PPM1L: variants seen among roughly 807,000 people sequenced by gnomAD.
The protein encoded by PPM1L is protein phosphatase, Mg2+/Mn2+ dependent 1L, also known as protein phosphatase 1L.
In PPM1L, 13 loss-of-function variants were observed where a neutral mutation model predicts 31.4. The observed-to-expected ratio is 0.41, with a 90% CI of 0.27 to 0.66. PPM1L has a LOEUF of 0.66. PPM1L is among the 30% of genes least tolerant of loss of function. The pLI is 0.29. For synonymous variants in PPM1L, 184 were observed against 175.4 expected (o/e 1.05, Z -0.39); for missense variants, 326 against 453.7 (o/e 0.72, Z 2.56).
intron 1 of PPM1L, among the ~76,000 whole-genome samples, chr3:160,860,968 T>C (rs1330779766): frequency 1.3e-5 from 2 of 152,172 alleles, no homozygotes; most frequent in Non-Finnish European, 2.9e-5. Context: ...CTTCAATATA[T>C]GAATTTTGGG....
chr3:160,937,301 T>C lies in PPM1L; in HGVS notation c.400-24435T>C, dbSNP rs1382984696. 2.0e-5 allele frequency among the ~76,000 whole-genome samples: 3 copies of C among 152,194 alleles called. No homozygotes were observed. In the East Asian group the frequency reaches 5.8e-4, roughly 29 times the overall value. ...TATAACTTTTCTCATTTATCATCCA[T>C]TTTATTTAATGATGAAAGAATACAA... On this transcript the variant is annotated intron_variant, in intron 1 of 3. Coordinates refer to ENST00000498165, the MANE Select transcript of PPM1L (RefSeq NM_139245.4).
intron 1 of PPM1L, among the ~76,000 whole-genome samples, chr3:160,854,169 A>G (rs1711606867): frequency 6.6e-6 from 1 of 152,152 alleles, no homozygotes; most frequent in African/African-American, 2.4e-5. Context: ...TGACCGCATC[A>G]TGTGGTTCAG....
rs375980131 is a variant in PPM1L at position 160,937,373 on chromosome 3, C to A, written c.400-24363C>A. On this transcript the variant is annotated intron_variant, in intron 1 of 3. Transcript: ENST00000498165. ...TGGTGGCTCACGCCTGTAATCCCAG[C>A]ACTTTGGGAGGCTGAGGTGGGTGGA... Among the ~76,000 whole-genome samples, 22 of 152,316 alleles carry A rather than the reference C, an allele frequency of 1.4e-4. No individual in the cohort carries two copies. In the East Asian group the frequency reaches 4.2e-3, roughly 29 times the overall value.
At chr3:160,898,671 A>C (rs781513158) in intron 1 of PPM1L, among the ~76,000 whole-genome samples, 1 of 152,174 alleles carries the variant, frequency 6.6e-6, no homozygotes, top group Non-Finnish European at 1.5e-5. Flanking sequence ...AGGTGAACCA[A>C]GTGAGATTCT....
At chr3:160,868,278 A>T (rs1397535348) in intron 1 of PPM1L, among the ~76,000 whole-genome samples, 1 of 152,176 alleles carries the variant, frequency 6.6e-6, no homozygotes, top group Non-Finnish European at 1.5e-5. Context: ...GTCTTAGGGA[A>T]GGGGGGTCCA....
intron 1 of PPM1L, among the ~76,000 whole-genome samples, chr3:160,898,071 C>A (rs1346029146): frequency 6.6e-6 from 1 of 151,926 alleles, no homozygotes; most frequent in African/African-American, 2.4e-5. Context: ...AAAAAAATCA[C>A]CTTTCTTTAT....
At chr3:160,953,569 CATAGGTCTAGTTT>C (rs1255617204) in intron 1 of PPM1L, among the ~76,000 whole-genome samples, 1 of 152,080 alleles carries the variant, frequency 6.6e-6, no homozygotes, top group Non-Finnish European at 1.5e-5. Flanking sequence ...TGATTTGAAA[CATAGGTCTAGTTT>C]ACTTGTGATC....
intron 1 of PPM1L, among the ~76,000 whole-genome samples, chr3:160,880,772 A>G (rs1247873012): frequency 6.6e-6 from 1 of 152,158 alleles, no homozygotes; most frequent in East Asian, 1.9e-4. Flanking sequence ...CACTGACCCA[A>G]TCAAATTGAC....
At chr3:160,852,367 A>G (rs1711554486) in intron 1 of PPM1L, among the ~76,000 whole-genome samples, 1 of 152,244 alleles carries the variant, frequency 6.6e-6, no homozygotes, top group Admixed American at 6.5e-5. Context: ...ATATTTATTC[A>G]TTAAAAGCAA....
chr3:160,896,250 T>C (rs925360603), intron 1 of PPM1L, among the ~76,000 whole-genome samples: 1 of 152,190 alleles, frequency 6.6e-6, no homozygotes, highest in African/African-American at 2.4e-5. Context: ...TTAAACGCCT[T>C]CTAGTATGTA....
At chr3:160,906,234 A>G (rs1178392767) in intron 1 of PPM1L, among the ~76,000 whole-genome samples, 2 of 152,212 alleles carry the variant, frequency 1.3e-5, no homozygotes, top group South Asian at 2.1e-4. Context: ...TAGGTTATCT[A>G]TTGCTGCATA....
rs567958843 is a variant in PPM1L, at chr3:160,764,887, TCTAA to T, written c.399+8183_399+8186del. Among the ~76,000 whole-genome samples, 928 of 152,330 alleles carry T rather than the reference TCTAA, an allele frequency of 6.1e-3. 9 individuals are homozygous for T. The highest frequency in any genetic ancestry group is 0.022 in the African/African-American group (900 of 41,574). Reference sequence around the variant, plus strand: ...CCTTATTTGTATACACTTAGGCTCCTCTAACTTCTTACCATTGTAAATACCATTG... The same window carrying T: ...CCTTATTTGTATACACTTAGGCTCCTCTTCTTACCATTGTAAATACCATTG... On this transcript the variant is annotated intron_variant, in intron 1 of 3. Coordinates refer to ENST00000498165, the MANE Select transcript of PPM1L (RefSeq NM_139245.4).
intron 1 of PPM1L, among the ~76,000 whole-genome samples, chr3:160,944,856 A>ATG (rs1432181106): frequency 1.5e-4 from 7 of 45,914 alleles, no homozygotes; most frequent in African/African-American, 4.4e-4. Flanking sequence ...TATAACATAT[A>ATG]TTATATATAA....
At chr3:160,842,318 A>G in intron 1 of PPM1L, 1 of 702,452 alleles carries the variant, frequency 1.4e-6, no homozygotes, top group Non-Finnish European at 2.6e-6. Context: ...TGGCTCTAAT[A>G]GAGGACTCAT....
intron 1 of PPM1L, among the ~76,000 whole-genome samples, chr3:160,843,504 A>G (rs1211536127): frequency 1.5e-5 from 2 of 136,836 alleles, no homozygotes; most frequent in Non-Finnish European, 3.1e-5. Context: ...TCTAGGGTAC[A>G]TGTGCACAAC....
chr3:160,907,553 C>T (rs1479516216), intron 1 of PPM1L, among the ~76,000 whole-genome samples: 2 of 152,046 alleles, frequency 1.3e-5, no homozygotes, highest in Non-Finnish European at 1.5e-5. Flanking sequence ...TGTTTTCCCT[C>T]TTGTATATAT....
chr3:161,069,114 T>C lies in PPM1L; in HGVS notation c.1040T>C (p.Met347Thr). The change falls in exon 4 of 4, where the codon ATG (methionine) becomes ACG (threonine). Residue 347 changes from methionine to threonine, a missense_variant. Met to Thr is a moderately conservative substitution (Grantham distance 81, BLOSUM62 -1). Transcript: ENST00000498165. ...GGCTGCCCTGACAATATAACAGTCATGGTGGTGAAGTTCAGAAATAGCAGC... is the reference window on the plus strand; with the variant it reads ...GGCTGCCCTGACAATATAACAGTCACGGTGGTGAAGTTCAGAAATAGCAGC... ...YRGCPDNITV[M>T]VVKFRNSSKT... 6.2e-7 allele frequency: 1 copy of C among 1,614,128 alleles called. No individual in the cohort carries two copies. The highest frequency in any genetic ancestry group is 2.2e-5 in the East Asian group (1 of 44,886).
intron 1 of PPM1L, among the ~76,000 whole-genome samples, chr3:160,839,625 T>C (rs559469511): frequency 6.6e-6 from 1 of 152,318 alleles, no homozygotes; most frequent in African/African-American, 2.4e-5. Flanking sequence ...AGGGAGGGAA[T>C]GGGTAGGTCC....
intron 2 of PPM1L, among the ~76,000 whole-genome samples, chr3:161,010,256 G>A (rs1312477346): frequency 6.6e-6 from 1 of 151,958 alleles, no homozygotes; most frequent in African/African-American, 2.4e-5. Flanking sequence ...TGCAGTGTTT[G>A]GTTTTTTGTC....
Sources: gnomAD v4.1 joint callset for allele counts (sites outside exome capture counted in the v4.1 genomes callset) on GRCh38, gnomAD v4.1.1 for gene constraint, MANE v1.5 for transcripts, NCBI Gene and HGNC (gene_info 2026-07-23, HGNC 2026-07-21) for gene names.